The following PTPRT variants were observed in gnomAD, a reference collection of about 807,000 sequenced individuals.
The protein encoded by PTPRT is receptor-type tyrosine-protein phosphatase T.
In PTPRT, 56 loss-of-function variants were observed where a neutral mutation model predicts 176.8. That is an observed-to-expected ratio of 0.32 (90% CI 0.26 to 0.40). The LOEUF (loss-of-function observed/expected upper bound fraction) is 0.40, where lower values mean the gene tolerates loss of function less well. Ranked by LOEUF, PTPRT falls within the 10% of genes least tolerant of loss-of-function variation. The pLI is 1.00. For missense variants in PTPRT, 1,540 were observed against 1,908.2 expected (o/e 0.81, Z 3.60); for synonymous variants, 783 against 739.0 (o/e 1.06, Z -0.96).
At chr20:42,170,976 T>C (rs1386732948) in intron 16 of PTPRT, among the ~76,000 whole-genome samples, 1 of 152,152 alleles carries the variant, frequency 6.6e-6, no homozygotes, top group Admixed American at 6.6e-5. Context: ...GGCTGGAAAA[T>C]GGCTATGTAT....
At chr20:42,213,953 T>C (rs1437500121) in intron 15 of PTPRT, among the ~76,000 whole-genome samples, 1 of 152,236 alleles carries the variant, frequency 6.6e-6, no homozygotes, top group Non-Finnish European at 1.5e-5. Flanking sequence ...TGATGTTATT[T>C]GTTTAATAAA....
At chr20:42,121,016 A>T (rs567407699) in intron 19 of PTPRT, among the ~76,000 whole-genome samples, 2 of 152,282 alleles carry the variant, frequency 1.3e-5, no homozygotes, top group South Asian at 4.2e-4. Flanking sequence ...GTTGCTGACC[A>T]GTCTTTTTGC....
intron 27 of PTPRT, among the ~76,000 whole-genome samples, chr20:42,098,205 C>T (rs1398891908): frequency 2.0e-5 from 3 of 151,858 alleles, no homozygotes; most frequent in East Asian, 1.9e-4. Flanking sequence ...TGGACAAAGC[C>T]CATAGGCAGG....
rs1425641249 is a variant in PTPRT at position 42,634,000 on chromosome 20, T to A, written c.1153+43866A>T. On this transcript the variant is annotated intron_variant, in intron 7 of 30. Transcript: ENST00000373187. ...ATATTATATATTATATTATATATAT[T>A]ATATATATATAATATATATATAATA... is the stretch of plus-strand genomic sequence containing the variant. Among the ~76,000 whole-genome samples the A allele has an allele frequency of 1.2e-3, 26 of 21,712 alleles. 2 individuals are homozygous for A. Among genetic ancestry groups the A allele is most frequent in the African/African-American group, 3.1e-3 (11 of 3,560 alleles). 14.2% of individuals were successfully genotyped at this position (21,712 alleles called of 152,430 possible).
chr20:42,477,555 G>T (rs980313169), intron 7 of PTPRT, among the ~76,000 whole-genome samples: 1 of 152,118 alleles, frequency 6.6e-6, no homozygotes, highest in Non-Finnish European at 1.5e-5. Context: ...GGAGAATCTG[G>T]GGTTTACATT....
chr20:42,452,379 G>A (rs921243324), intron 8 of PTPRT, among the ~76,000 whole-genome samples: 1 of 152,086 alleles, frequency 6.6e-6, no homozygotes, highest in African/African-American at 2.4e-5. Context: ...TGAAAGAAGG[G>A]TTCTCTCCTT....
chr20:42,489,483 C>T (rs6016807), intron 7 of PTPRT, among the ~76,000 whole-genome samples: 19,928 of 151,636 alleles, frequency 0.13, 3,092 homozygotes, highest in African/African-American at 0.38. Flanking sequence ...ATTTGTTCCT[C>T]GAGCATACCT....
chr20:42,141,487 G>C (rs1484536469), intron 18 of PTPRT, among the ~76,000 whole-genome samples: 1 of 152,182 alleles, frequency 6.6e-6, no homozygotes, highest in Non-Finnish European at 1.5e-5. Flanking sequence ...CTCACCCCAG[G>C]TTGCTGCCAA....
intron 7 of PTPRT, among the ~76,000 whole-genome samples, chr20:42,491,988 A>C (rs1289342791): frequency 2.0e-5 from 3 of 152,188 alleles, no homozygotes; most frequent in East Asian, 3.8e-4. Flanking sequence ...AATTCTCTTG[A>C]GGCTCATCCA....
At chr20:43,061,082 A>G (rs201932142) in intron 1 of PTPRT, among the ~76,000 whole-genome samples, 1 of 113,882 alleles carries the variant, frequency 8.8e-6, no homozygotes, top group Admixed American at 8.3e-5. Context: ...ATGGGCGGAT[A>G]AATGAATGGA....
intron 9 of PTPRT, among the ~76,000 whole-genome samples, chr20:42,381,613 A>T (rs776847254): frequency 1.1e-4 from 16 of 152,120 alleles, no homozygotes; most frequent in Non-Finnish European, 2.1e-4. Flanking sequence ...TGACAGATAC[A>T]GTGCTCAATA....
At chr20:42,729,669 C>G (rs1224445037) in intron 6 of PTPRT, among the ~76,000 whole-genome samples, 1 of 152,198 alleles carries the variant, frequency 6.6e-6, no homozygotes, top group Non-Finnish European at 1.5e-5. Context: ...GGAATGAATG[C>G]AGCTTGGTCC....
chr20:42,316,437 C>T (rs959528379), intron 11 of PTPRT, among the ~76,000 whole-genome samples: 1 of 152,156 alleles, frequency 6.6e-6, no homozygotes, highest in African/African-American at 2.4e-5. Flanking sequence ...CTCTTTTCTC[C>T]TTCCACTGAT....
intron 7 of PTPRT, among the ~76,000 whole-genome samples, chr20:42,525,607 T>A (rs953231456): frequency 1.3e-5 from 2 of 152,254 alleles, no homozygotes; most frequent in Non-Finnish European, 2.9e-5. Flanking sequence ...CAGAAGGATT[T>A]TTTTAGGATA....
At chr20:42,350,214 GTTTTTTTTTT>G (rs764181357) in intron 11 of PTPRT, among the ~76,000 whole-genome samples, 3 of 58,306 alleles carry the variant, frequency 5.1e-5, no homozygotes, top group African/African-American at 1.4e-4. Flanking sequence ...GATGTTTCTT[GTTTTTTTTTT>G]TTTTTTTTTT....
chr20:42,923,997 A>G (rs569216634), intron 1 of PTPRT, among the ~76,000 whole-genome samples: 26 of 152,228 alleles, frequency 1.7e-4, no homozygotes, highest in African/African-American at 5.8e-4. Flanking sequence ...GGCATGTGCC[A>G]CCATGCCTGG....
intron 1 of PTPRT, among the ~76,000 whole-genome samples, chr20:42,915,203 G>A (rs1325135238): frequency 6.6e-6 from 1 of 152,212 alleles, no homozygotes; most frequent in Non-Finnish European, 1.5e-5. Context: ...CTCTCTGGGA[G>A]CCCCACTGCA....
intron 6 of PTPRT, among the ~76,000 whole-genome samples, chr20:42,696,658 T>C (rs747521761): frequency 2.7e-4 from 41 of 152,050 alleles, no homozygotes; most frequent in Non-Finnish European, 3.2e-4. Flanking sequence ...GGTTTCACCA[T>C]GTTAGCCAGG....
In PTPRT at chr20:43,061,087, A is replaced by AATGGATGGATGG. The variant is rs3030304; in HGVS notation, c.88+128547_88+128558dup. ...GGGTGAGTGGATGGGCGGATAAATG[A>AATGGATGGATGG]ATGGATGGATGGATGGATGGATGGA... On this transcript the variant is annotated intron_variant, in intron 1 of 30. Coordinates refer to ENST00000373187, the MANE Select transcript of PTPRT (RefSeq NM_007050.6). Among the ~76,000 whole-genome samples the AATGGATGGATGG allele has an allele frequency of 6.2e-3, 925 of 150,012 alleles. 1 individual carries two copies. The highest frequency in any genetic ancestry group is 8.8e-3 in the African/African-American group (361 of 40,914).
Sources: gnomAD v4.1 joint callset for allele counts (sites outside exome capture counted in the v4.1 genomes callset) on GRCh38, gnomAD v4.1.1 for gene constraint, MANE v1.5 for transcripts, NCBI Gene and HGNC (gene_info 2026-07-23, HGNC 2026-07-21) for gene names.